Variants in MSH5 observed in about 807,000 individuals in gnomAD.
The protein encoded by MSH5 is mutS homolog 5.
Under a neutral mutation model 107.7 loss-of-function variants are expected in MSH5, and 78 were observed. The ratio of observed to expected loss-of-function variants is 0.72; its 90% CI spans 0.60 to 0.87. The LOEUF (loss-of-function observed/expected upper bound fraction) is 0.87, where lower values mean the gene tolerates loss of function less well. Among genes scored for constraint, MSH5 ranks in the 40% least tolerant of loss-of-function variants. The pLI is 0.00. For synonymous variants in MSH5, 326 were observed against 399.5 expected (o/e 0.82, Z 2.19); for missense variants, 889 against 1,046.6 (o/e 0.85, Z 2.08).
intron 4 of MSH5, 51 bp downstream of exon 4, chr6:31,743,008 G>A (rs1204339637): frequency 1.2e-6 from 2 of 1,609,250 alleles, no homozygotes; most frequent in Admixed American, 1.7e-5. Flanking sequence ...CTAATATATG[G>A]AATATTCCAG....
chr6:31,753,503 G>A (rs550260592), intron 11 of MSH5, 64 bp downstream of exon 11: 2 of 1,613,484 alleles, frequency 1.2e-6, no homozygotes, highest in South Asian at 1.1e-5. Flanking sequence ...TGGGCAGTGG[G>A]CTTCTTGAGG....
In MSH5 at chr6:31,758,347, A is replaced by G; in HGVS notation, c.1143+54A>G. On this transcript the variant is annotated intron_variant, in intron 13 of 24. Transcript: ENST00000375750. The surrounding 1 kb of genome is among the most constrained non-coding windows in gnomAD (Gnocchi z 5.1). ...CAGGGAGGTCAGGGAGAGAGAATGCAGTGTGCAAGATGGGGAAACATGGAA... is the reference window on the plus strand; with the variant it reads ...CAGGGAGGTCAGGGAGAGAGAATGCGGTGTGCAAGATGGGGAAACATGGAA... The G allele has an allele frequency of 1.2e-6, 2 of 1,605,338 alleles. No homozygotes were observed. The highest frequency in any genetic ancestry group is 1.7e-6 in the Non-Finnish European group (2 of 1,175,202).
Position 31,760,967 on chromosome 6 carries a change from G to C in MSH5, c.1962+128G>C, listed in dbSNP as rs776587126. 14 of 1,173,206 alleles carry C rather than the reference G, an allele frequency of 1.2e-5. No individual in the cohort carries two copies. The highest frequency in any genetic ancestry group is 1.6e-5 in the Non-Finnish European group (13 of 838,366). The allele number at this position is 1,173,206 out of a possible 1,614,324, so 72.7% of individuals were successfully genotyped here. A position where few individuals can be genotyped will look rare whatever the true frequency, so the allele number is the denominator to read the frequency against. ...TTATACTAAAAGTGGGGAGCACTAA[G>C]GTCAGAGATAAGAAGAATCAATACC... On this transcript the variant is annotated intron_variant, in intron 20 of 24. Coordinates refer to ENST00000375750, the MANE Select transcript of MSH5 (RefSeq NM_172166.4). The surrounding 1 kb of genome is among the most constrained non-coding windows in gnomAD (Gnocchi z 5.6).
Position 31,740,355 on chromosome 6 carries a change from A to G in MSH5, c.-13-99A>G. The G allele has an allele frequency of 7.7e-7, 1 of 1,291,716 alleles. No individual in the cohort carries two copies. The highest frequency in any genetic ancestry group is 1.1e-6 in the Non-Finnish European group (1 of 948,720). The allele number at this position is 1,291,716 out of a possible 1,614,324, so 80.0% of individuals were successfully genotyped here. On this transcript the variant is annotated intron_variant, in intron 1 of 24. Coordinates refer to ENST00000375750, the MANE Select transcript of MSH5 (RefSeq NM_172166.4). The surrounding 1 kb of genome is among the most constrained non-coding windows in gnomAD (Gnocchi z 4.4). ...CCTCAGCCCTGCCCCGCAGCCCTGT[A>G]GCAGAAGTACTTAGTGCTTTGCATT...
chr6:31,744,624 G>A, intron 8 of MSH5, 43 bp downstream of exon 8: 2 of 1,606,592 alleles, frequency 1.2e-6, no homozygotes, highest in African/African-American at 1.3e-5. Flanking sequence ...GGAGGGAGAA[G>A]GATTAAGTTT....
chr6:31,754,401 C>T (rs886536354), intron 12 of MSH5, among the ~76,000 whole-genome samples: 6 of 152,158 alleles, frequency 3.9e-5, no homozygotes, highest in Non-Finnish European at 7.3e-5. Flanking sequence ...CTGCCCATCT[C>T]GGCCTCCCAA....
chr6:31,760,180 A>T lies in MSH5; in HGVS notation c.1776A>T (p.Gly592=). 1 of 1,611,406 alleles carries T rather than the reference A, an allele frequency of 6.2e-7. No individual in the cohort carries two copies. The highest frequency in any genetic ancestry group is 8.5e-7 in the Non-Finnish European group (1 of 1,178,840). ...GDKGRVKVIT[G]PNSSGKSIYL... ...AAGGGAGGGTCAAAGTCATCACTGG[A>T]CCCAACTCATCAGGGAAGAGCATAT... is the stretch of plus-strand genomic sequence containing the variant. The change falls in exon 19 of 25, where the codon GGA becomes GGT. Residue 592 remains glycine, a synonymous_variant. Transcript: ENST00000375750. The surrounding 1 kb of genome is among the most constrained non-coding windows in gnomAD (Gnocchi z 5.6).
chr6:31,744,203 G>A lies in MSH5; in HGVS notation c.551G>A (p.Gly184Glu). The A allele has an allele frequency of 6.2e-7, 1 of 1,612,872 alleles. No homozygotes were observed. The highest frequency in any genetic ancestry group is 1.1e-5 in the South Asian group (1 of 90,920). The change falls in exon 7 of 25, where the codon GGA becomes GAA. Residue 184 changes from glycine (G) to glutamate (E), a missense_variant. Gly to Glu is a moderately conservative substitution (Grantham distance 98). Coordinates refer to ENST00000375750, the MANE Select transcript of MSH5 (RefSeq NM_172166.4). ...ATCCCCTCCCAGGTTCGAGCACTTGGAGGGCTGCTGAAGTTCCTGGGTCGA... is the reference window on the plus strand; with the variant it reads ...ATCCCCTCCCAGGTTCGAGCACTTGAAGGGCTGCTGAAGTTCCTGGGTCGA... ...FDCLLTVRAL[G>E]GLLKFLGRRR...
rs759481634 is a variant in MSH5 at position 31,758,315 on chromosome 6, G to T, written c.1143+22G>T. The T allele has an allele frequency of 6.2e-7, 1 of 1,611,550 alleles. No homozygotes were observed. Among genetic ancestry groups the T allele is most frequent in the Admixed American group, 1.7e-5 (1 of 59,994 alleles). ...AGTAGTGAGTAGAAGGAAAAAGGGAGTGCACCCAGGGAGGTCAGGGAGAGA... is the reference window on the plus strand; with the variant it reads ...AGTAGTGAGTAGAAGGAAAAAGGGATTGCACCCAGGGAGGTCAGGGAGAGA... On this transcript the variant is annotated intron_variant, in intron 13 of 24. Coordinates refer to ENST00000375750, the MANE Select transcript of MSH5 (RefSeq NM_172166.4). The surrounding 1 kb of genome is among the most constrained non-coding windows in gnomAD (Gnocchi z 5.1).
chr6:31,760,268 A>T lies in MSH5; in HGVS notation c.1812+52A>T. On this transcript the variant is annotated intron_variant, in intron 19 of 24. Transcript: ENST00000375750. The surrounding 1 kb of genome is among the most constrained non-coding windows in gnomAD (Gnocchi z 5.6). ...CTCTGGCGTCTCCTGCATCTACTCC[A>T]CCCCTACTTGCCAGCCAACTCAGGC... The T allele has an allele frequency of 2.0e-6, 3 of 1,519,488 alleles. No individual in the cohort carries two copies. Among genetic ancestry groups the T allele is most frequent in the Non-Finnish European group, 2.6e-6 (3 of 1,137,614 alleles). 94.1% of individuals were successfully genotyped at this position (1,519,488 alleles called of 1,614,324 possible).
In MSH5 at chr6:31,759,363, G is replaced by A; in HGVS notation, c.1408-62G>A. 1 of 1,557,262 alleles carries A rather than the reference G, an allele frequency of 6.4e-7. No individual in the cohort carries two copies. Among genetic ancestry groups the A allele is most frequent in the East Asian group, 2.2e-5 (1 of 44,508 alleles). Reference sequence around the variant, plus strand: ...TAGGGGCTGGAGGTGGGGTTAGAAAGATGGGGAAGGAGAGGAGGACCAAGA... The same window carrying A: ...TAGGGGCTGGAGGTGGGGTTAGAAAAATGGGGAAGGAGAGGAGGACCAAGA... On this transcript the variant is annotated intron_variant, in intron 16 of 24. Coordinates refer to ENST00000375750, the MANE Select transcript of MSH5 (RefSeq NM_172166.4). The surrounding 1 kb of genome is among the most constrained non-coding windows in gnomAD (Gnocchi z 4.7).
chr6:31,748,193 A>G (rs961577993), intron 10 of MSH5, among the ~76,000 whole-genome samples: 1 of 152,032 alleles, frequency 6.6e-6, no homozygotes, highest in African/African-American at 2.4e-5. Flanking sequence ...GAGCATCCAA[A>G]CTGATGCCCA....
chr6:31,742,841 T>A, intron 3 of MSH5, 36 bp from the exon 4 acceptor site: 5 of 1,599,190 alleles, frequency 3.1e-6, no homozygotes, highest in Non-Finnish European at 4.3e-6. Context: ...AAGACAAAGA[T>A]CCTTTAACTC....
intron 12 of MSH5, chr6:31,753,874 C>CTT (rs1810200933): frequency 1.1e-5 from 5 of 442,292 alleles, no homozygotes; most frequent in South Asian, 5.5e-5. Context: ...TACAAGCGCC[C>CTT]GCCACCATGC....
At position 31,759,819 on chromosome 6, in the gene MSH5, GCCAGGTGCTGGCA is replaced by G. The variant is rs1487725967; in HGVS notation, c.1531_1543del (p.Gln511GlufsTer5). On this transcript the variant is annotated frameshift_variant, in exon 18 of 25. Transcript: ENST00000375750. LOFTEE classifies it high-confidence loss of function. This position sits in a 1 kb window ranked among gnomAD's most constrained non-coding sequence, Gnocchi z 4.7. ...ACGCTGCTGATGTACCAGCTACAGT[GCCAGGTGCTGGCA>G]CGAGCAGCTGTCTTAACCCGAGTAT... 1.2e-6 allele frequency: 2 copies of G among 1,613,594 alleles called. No individual in the cohort carries two copies. Among genetic ancestry groups the G allele is most frequent in the African/African-American group, 1.3e-5 (1 of 74,928 alleles).
intron 24 of MSH5, 41 bp downstream of exon 24, chr6:31,762,226 TCTC>T (rs746406827): frequency 3.1e-6 from 5 of 1,600,054 alleles, no homozygotes; most frequent in South Asian, 2.2e-5. Context: ...CTCTGCATCT[TCTC>T]CTGCAACTCT....
intron 10 of MSH5, among the ~76,000 whole-genome samples, chr6:31,749,165 C>T (rs1269654547): frequency 2.6e-5 from 4 of 152,104 alleles, no homozygotes; most frequent in African/African-American, 2.4e-5. Flanking sequence ...CTGCCCACCT[C>T]GGCCTCCCAA....
At chr6:31,744,692 C>A in intron 8 of MSH5, 111 bp downstream of exon 8, 1 of 1,206,830 alleles carries the variant, frequency 8.3e-7, no homozygotes, top group African/African-American at 1.5e-5. Context: ...CTATTAAGAT[C>A]TCTCTCCTTG....
At chr6:31,755,661 C>T (rs1181700722) in intron 12 of MSH5, among the ~76,000 whole-genome samples, 1 of 152,056 alleles carries the variant, frequency 6.6e-6, no homozygotes. Context: ...TGCACCTGAC[C>T]AATTTTTTAT....
Sources: allele counts gnomAD v4.1 joint callset (sites outside exome capture counted in the v4.1 genomes callset), GRCh38; gene constraint gnomAD v4.1.1; non-coding constraint Gnocchi (gnomAD v3.1); transcripts MANE v1.5; gene names NCBI Gene and HGNC (gene_info 2026-07-23, HGNC 2026-07-21).